LARP1: variants seen among roughly 807,000 people sequenced by gnomAD.
LARP1 encodes the protein La ribonucleoprotein 1, translational regulator.
Under a neutral mutation model 122.7 loss-of-function variants are expected in LARP1, and 36 were observed. The observed-to-expected ratio is 0.29, with a 90% CI of 0.22 to 0.39. The LOEUF is 0.39. Among genes scored for constraint, LARP1 ranks in the 10% least tolerant of loss-of-function variants. LARP1 has a pLI of 1.00. For missense variants in LARP1, 1,040 were observed against 1,403.6 expected, an observed-to-expected ratio of 0.74 and a Z score of 4.14; for synonymous variants, 539 against 528.7, an observed-to-expected ratio of 1.02 and a Z score of -0.27.
chr5:154,746,078 G>A (rs546548007), intron 1 of LARP1, among the ~76,000 whole-genome samples: 3 of 152,314 alleles, frequency 2.0e-5, no homozygotes, highest in South Asian at 4.1e-4. Context: ...GATTACAGGC[G>A]TGAGCCACCG....
intron 8 of LARP1, among the ~76,000 whole-genome samples, chr5:154,796,045 ATATT>A (rs1362732633): frequency 1.7e-5 from 2 of 115,768 alleles, no homozygotes; most frequent in South Asian, 2.2e-4. Context: ...TATATATTAT[ATATT>A]TATATATTAT....
intron 1 of LARP1, among the ~76,000 whole-genome samples, chr5:154,715,650 T>A (rs1484629670): frequency 6.6e-6 from 1 of 151,916 alleles, no homozygotes; most frequent in African/African-American, 2.4e-5. Flanking sequence ...CTCCCAAGAG[T>A]GAATGCGGGG....
intron 1 of LARP1, among the ~76,000 whole-genome samples, chr5:154,731,981 C>T (rs939782093): frequency 1.3e-5 from 2 of 151,180 alleles, no homozygotes; most frequent in South Asian, 4.2e-4. Context: ...GAGATCACGC[C>T]ACTGCACTGC....
In LARP1 at chr5:154,701,652, C is replaced by T. The variant is rs185320030; in HGVS notation, c.-180+18615C>T. Among the ~76,000 whole-genome samples, 304 of 147,606 alleles carry T rather than the reference C, an allele frequency of 2.1e-3. 3 individuals are homozygous for T. In the East Asian group the frequency reaches 0.025, roughly 12 times the overall value. On this transcript the variant is annotated intron_variant, in intron 1 of 18. Coordinates refer to the LARP1 transcript ENST00000687700. ...TTTTTTTTTTTTTGAGACAGAGTCT[C>T]GCACTGTTGCCTGGGCTGGAGTGCA...
At position 154,794,020 on chromosome 5, in the gene LARP1, G is replaced by A; in HGVS notation, c.1069+20G>A. 1.2e-6 allele frequency: 2 copies of A among 1,608,224 alleles called. No individual in the cohort carries two copies. The highest frequency in any genetic ancestry group is 1.7e-6 in the Non-Finnish European group (2 of 1,176,064). On this transcript the variant is annotated intron_variant, in intron 6 of 18. Coordinates refer to ENST00000518297, the MANE Select transcript of LARP1 (RefSeq NM_033551.3). ...CTCGAAGTACGTGAGGCCCCTTTGG[G>A]CTCCGGGATGTCCAAGGGTGTGCAG...
chr5:154,812,902 C>G (rs562739293), intron 18 of LARP1, among the ~76,000 whole-genome samples: 466 of 152,224 alleles, frequency 3.1e-3, no homozygotes, highest in Non-Finnish European at 5.2e-3. Flanking sequence ...CCCCATGATG[C>G]AATTATCTCC....
chr5:154,798,675 G>T (rs1008073408), intron 8 of LARP1, among the ~76,000 whole-genome samples: 1 of 152,126 alleles, frequency 6.6e-6, no homozygotes, highest in Non-Finnish European at 1.5e-5. Flanking sequence ...TTTACGATTT[G>T]TAGTGATAGA....
upstream of LARP1, among the ~76,000 whole-genome samples, chr5:154,751,937 A>C (rs953122200): frequency 6.6e-6 from 1 of 152,192 alleles, no homozygotes; most frequent in African/African-American, 2.4e-5. Flanking sequence ...AGGAATCAAA[A>C]AAACCTGAAT....
At chr5:154,809,976 G>A (rs191964421) in intron 16 of LARP1, among the ~76,000 whole-genome samples, 4 of 151,758 alleles carry the variant, frequency 2.6e-5, no homozygotes, top group African/African-American at 9.7e-5. Context: ...CAAAGTGCTG[G>A]GATTACTTTG....
At chr5:154,734,167 C>CAAA (rs200029143) in intron 1 of LARP1, among the ~76,000 whole-genome samples, 1 of 124,448 alleles carries the variant, frequency 8.0e-6, no homozygotes. Flanking sequence ...AACTCCCTCT[C>CAAA]AAAAAAAAAA....
At chr5:154,759,234 A>G (rs976439129) in intron 1 of LARP1, among the ~76,000 whole-genome samples, 2 of 151,850 alleles carry the variant, frequency 1.3e-5, no homozygotes, top group African/African-American at 4.8e-5. Flanking sequence ...TATTTAGCCC[A>G]GTGCCTGGCA....
rs1759515555 is a variant in LARP1, at chr5:154,814,222, G to C, written c.*126G>C. 1.1e-6 allele frequency: 1 copy of C among 943,124 alleles called. No homozygotes were observed. The highest frequency in any genetic ancestry group is 1.6e-5 in the South Asian group (1 of 62,456). 58.4% of individuals were successfully genotyped at this position (943,124 alleles called of 1,614,324 possible). On this transcript the variant is annotated 3_prime_UTR_variant, in exon 19 of 19. Coordinates refer to ENST00000518297, the MANE Select transcript of LARP1 (RefSeq NM_033551.3). ...CCTGGAGTTACTAGGACAGGCCTTT[G>C]TGCTGAGTAGCAATGTATACACCAT...
rs778607471 is a variant in LARP1, at chr5:154,791,134, G to GTTTT, written c.564+439_564+442dup. On this transcript the variant is annotated intron_variant, in intron 3 of 18. Transcript: ENST00000518297. ...GCCCGGCCTCTCAGTGTTTTTTGTT[G>GTTTT]TTTTTTTTTTTTTTTTTTGAGATGG... Among the ~76,000 whole-genome samples the GTTTT allele has an allele frequency of 3.2e-3, 371 of 116,276 alleles. 1 individual carries two copies. Among genetic ancestry groups the GTTTT allele is most frequent in the African/African-American group, 0.011 (351 of 30,902 alleles). The allele number at this position is 116,276 out of a possible 152,430, so 76.3% of individuals were successfully genotyped here. A position where few individuals can be genotyped will look rare whatever the true frequency, so the allele number is the denominator to read the frequency against.
At chr5:154,790,518 A>G (rs1757255389) in intron 2 of LARP1, 127 bp from the exon 3 acceptor site, 1 of 1,271,834 alleles carries the variant, frequency 7.9e-7, no homozygotes, top group African/African-American at 1.5e-5. Context: ...CCTTCTAGGT[A>G]TCCAGTGTGA....
chr5:154,795,281 G>A lies in LARP1; in HGVS notation c.1339G>A (p.Val447Met). The A allele has an allele frequency of 1.9e-6, 3 of 1,614,112 alleles. No individual in the cohort carries two copies. The highest frequency in any genetic ancestry group is 2.5e-6 in the Non-Finnish European group (3 of 1,179,986). Reference protein sequence around the residue: ...PITLIASFHRVQALTTDISLI... With the variant: ...PITLIASFHRMQALTTDISLI... ...CACCCTTATTGCTTCCTTCCACCGAGTGCAGGCCCTTACCACTGACATTTC... is the reference window on the plus strand; with the variant it reads ...CACCCTTATTGCTTCCTTCCACCGAATGCAGGCCCTTACCACTGACATTTC... Residue 447 changes from valine (V) to methionine (M), a missense_variant, in exon 8 of 19, where the codon GTG becomes ATG. This residue lies in a region of LARP1 where 362 missense variants were observed against 533.1 expected (regional missense o/e 0.68). Transcript: ENST00000518297.
In LARP1 at chr5:154,701,622, CT is replaced by C. The variant is rs70981938; in HGVS notation, c.-180+18602del. 3.2e-3 allele frequency among the ~76,000 whole-genome samples: 437 copies of C among 135,402 alleles called. 1 individual carries two copies. The highest frequency in any genetic ancestry group is 4.2e-3 in the African/African-American group (156 of 36,984). The allele number at this position is 135,402 out of a possible 152,430, so 88.8% of individuals were successfully genotyped here. On this transcript the variant is annotated intron_variant, in intron 1 of 18. Coordinates refer to the LARP1 transcript ENST00000687700. ...TCCGAACTTTGGGGAGGGAAACTTT[CT>C]TTTTTTTTTTTTTTTTGAGACAGAG...
chr5:154,691,786 C>T (rs1428456913), intron 1 of LARP1, among the ~76,000 whole-genome samples: 1 of 146,030 alleles, frequency 6.8e-6, no homozygotes, highest in Non-Finnish European at 1.5e-5. Context: ...CACAGCCCTG[C>T]TCACCCTTTT....
chr5:154,795,560 C>T (rs1757681673), intron 8 of LARP1, among the ~76,000 whole-genome samples: 2 of 151,938 alleles, frequency 1.3e-5, no homozygotes. Flanking sequence ...TCATCAGCTT[C>T]GGCAGGTATC....
At chr5:154,796,943 G>C (rs536709098) in intron 8 of LARP1, among the ~76,000 whole-genome samples, 1 of 152,216 alleles carries the variant, frequency 6.6e-6, no homozygotes, top group South Asian at 2.1e-4. Flanking sequence ...TAAGCTTATG[G>C]GCTCAAACGT....
Sources: gnomAD v4.1 joint callset for allele counts (sites outside exome capture counted in the v4.1 genomes callset) on GRCh38, gnomAD v4.1.1 for gene constraint, gnomAD v4.1.1 regional missense constraint, MANE v1.5 for transcripts, NCBI Gene and HGNC (gene_info 2026-07-23, HGNC 2026-07-21) for gene names.